CDH13: variants seen among roughly 807,000 people sequenced by gnomAD.
CDH13 encodes cadherin 13.
In CDH13, 24 loss-of-function variants were observed where a neutral mutation model predicts 63.8. That is an observed-to-expected ratio of 0.38 (90% CI 0.27 to 0.53). The LOEUF (loss-of-function observed/expected upper bound fraction) is 0.53. Ranked by LOEUF, CDH13 falls within the 20% of genes least tolerant of loss-of-function variation. The probability of loss-of-function intolerance (pLI) is 0.85; values close to 1 mark genes in which losing one functional copy is unlikely to be tolerated. For missense variants in CDH13, 1,049 were observed against 903.1 expected (o/e 1.16, Z -2.07); for synonymous variants, 503 against 355.3 (o/e 1.42, Z -4.67).
chr16:83,557,065 A>G (rs2075618861), intron 7 of CDH13, among the ~76,000 whole-genome samples: 1 of 152,132 alleles, frequency 6.6e-6, no homozygotes, highest in Non-Finnish European at 1.5e-5. Flanking sequence ...GGCACTCCCC[A>G]TTGCTCCCAT....
At chr16:83,508,794 A>G (rs114424746) in intron 7 of CDH13, among the ~76,000 whole-genome samples, 1 of 152,192 alleles carries the variant, frequency 6.6e-6, no homozygotes, top group Non-Finnish European at 1.5e-5. Flanking sequence ...TTTGCACTCA[A>G]ATAGGCAGAG....
intron 8 of CDH13, among the ~76,000 whole-genome samples, 154 bp downstream of exon 8, chr16:83,602,748 C>T (rs569409624): frequency 2.6e-5 from 4 of 151,800 alleles, no homozygotes; most frequent in Non-Finnish European, 5.9e-5. Context: ...GGAATTCTTT[C>T]TCACATTTTT....
intron 4 of CDH13, among the ~76,000 whole-genome samples, chr16:83,156,760 C>G (rs1201914127): frequency 6.6e-6 from 1 of 152,158 alleles, no homozygotes; most frequent in African/African-American, 2.4e-5. Context: ...TCCATAAATC[C>G]TATGCTCCTT....
intron 5 of CDH13, among the ~76,000 whole-genome samples, chr16:83,278,509 T>G (rs748557839): frequency 6.6e-6 from 1 of 152,156 alleles, no homozygotes; most frequent in African/African-American, 2.4e-5. Flanking sequence ...CCGTTATAGT[T>G]GGTTTTGAGT....
intron 5 of CDH13, among the ~76,000 whole-genome samples, chr16:83,253,220 A>G (rs1039291605): frequency 3.9e-5 from 6 of 152,168 alleles, no homozygotes; most frequent in African/African-American, 1.4e-4. Context: ...TTTCTATTTT[A>G]TGATTCCGTA....
chr16:83,344,462 A>C (rs960238616), intron 5 of CDH13, among the ~76,000 whole-genome samples: 2 of 152,220 alleles, frequency 1.3e-5, no homozygotes, highest in African/African-American at 4.8e-5. Flanking sequence ...GTTATCTCTT[A>C]ATGTACTTGG....
intron 6 of CDH13, among the ~76,000 whole-genome samples, chr16:83,366,930 T>C (rs181096149): frequency 5.9e-5 from 9 of 152,198 alleles, no homozygotes; most frequent in Non-Finnish European, 1.3e-4. Context: ...CCTCTTTTTT[T>C]TTCTCCTTCT....
rs761997949 is a variant in CDH13, at chr16:83,795,079, A to G, written c.*49A>G. 8.3e-6 allele frequency: 6 copies of G among 724,646 alleles called. No individual in the cohort carries two copies. The highest frequency in any genetic ancestry group is 2.2e-5 in the African/African-American group (1 of 44,838). 44.9% of individuals were successfully genotyped at this position (724,646 alleles called of 1,614,324 possible). Reference sequence around the variant, plus strand: ...ACTCCCAAGTTTCCATAGCAACAGGAAAAAAAAAAATCTATCCAAATCTGA... The same window carrying G: ...ACTCCCAAGTTTCCATAGCAACAGGGAAAAAAAAAATCTATCCAAATCTGA... On this transcript the variant is annotated 3_prime_UTR_variant, in exon 14 of 14. Coordinates refer to ENST00000567109, the MANE Select transcript of CDH13 (RefSeq NM_001257.5).
At chr16:83,246,593 G>A (rs1481311466) in intron 5 of CDH13, among the ~76,000 whole-genome samples, 1 of 151,922 alleles carries the variant, frequency 6.6e-6, no homozygotes, top group Non-Finnish European at 1.5e-5. Flanking sequence ...ATTCTTATTG[G>A]TTTGAGCTAT....
chr16:83,607,613 G>C (rs939369219), intron 8 of CDH13, among the ~76,000 whole-genome samples: 1 of 152,110 alleles, frequency 6.6e-6, no homozygotes, highest in Non-Finnish European at 1.5e-5. Flanking sequence ...CACTGCATAC[G>C]ATGAACGAAG....
intron 1 of CDH13, among the ~76,000 whole-genome samples, chr16:82,646,674 G>T (rs1347397283): frequency 1.3e-5 from 2 of 152,120 alleles, no homozygotes; most frequent in African/African-American, 4.8e-5. Context: ...AACCTATGAG[G>T]TGCATCTTGT....
chr16:83,121,576 C>T (rs1311191132), intron 3 of CDH13, among the ~76,000 whole-genome samples: 1 of 152,224 alleles, frequency 6.6e-6, no homozygotes, highest in Non-Finnish European at 1.5e-5. Flanking sequence ...ATGGTCTTCA[C>T]AGTTGCCTTA....
At chr16:83,175,172 C>T (rs564477488) in intron 4 of CDH13, among the ~76,000 whole-genome samples, 1 of 152,144 alleles carries the variant, frequency 6.6e-6, no homozygotes, top group East Asian at 1.9e-4. Flanking sequence ...CAGCCCTATT[C>T]TAGATGCTTT....
At chr16:83,728,778 C>G (rs1156646833) in intron 10 of CDH13, 1 of 152,198 alleles carries the variant, frequency 6.6e-6, no homozygotes, top group African/African-American at 2.4e-5. Context: ...TGTGGTTCAA[C>G]CTAATATTTA....
chr16:82,633,908 A>G (rs1908334832), intron 1 of CDH13, among the ~76,000 whole-genome samples: 1 of 152,194 alleles, frequency 6.6e-6, no homozygotes, highest in Non-Finnish European at 1.5e-5. Flanking sequence ...GACCCCAAAG[A>G]TCAGAGTAAA....
intron 4 of CDH13, among the ~76,000 whole-genome samples, chr16:83,183,539 A>T (rs2038414243): frequency 1.3e-5 from 2 of 152,216 alleles, no homozygotes; most frequent in Admixed American, 1.3e-4. Context: ...AACTGGTGGA[A>T]TTAAACTCAA....
At chr16:83,102,948 C>CTTTTTTT (rs71148813) in intron 3 of CDH13, among the ~76,000 whole-genome samples, 10 of 69,026 alleles carry the variant, frequency 1.4e-4, no homozygotes, top group African/African-American at 6.3e-4. Context: ...TTTTCTTTTT[C>CTTTTTTT]TTTTTTTTTT....
intron 8 of CDH13, among the ~76,000 whole-genome samples, chr16:83,648,450 C>T (rs1283086234): frequency 6.6e-6 from 1 of 152,152 alleles, no homozygotes; most frequent in Non-Finnish European, 1.5e-5. Flanking sequence ...TTGCCAGAAT[C>T]CTTCCTGGGT....
At chr16:83,396,190 A>G (rs561622233) in intron 6 of CDH13, among the ~76,000 whole-genome samples, 10 of 152,288 alleles carry the variant, frequency 6.6e-5, no homozygotes, top group African/African-American at 1.4e-4. Context: ...TATCCAGTCT[A>G]TCGTTGATGG....
Sources: gnomAD v4.1 joint callset for allele counts (sites outside exome capture counted in the v4.1 genomes callset) on GRCh38, gnomAD v4.1.1 for gene constraint, MANE v1.5 for transcripts, NCBI Gene and HGNC (gene_info 2026-07-23, HGNC 2026-07-21) for gene names.